The following IGF1R variants were observed in gnomAD, a reference collection of about 807,000 sequenced individuals.
IGF1R encodes the protein insulin like growth factor 1 receptor, also known as insulin-like growth factor 1 receptor.
In IGF1R, 44 loss-of-function variants were observed where a neutral mutation model predicts 144.6. The observed-to-expected ratio is 0.30, with a 90% CI of 0.24 to 0.39. The LOEUF is 0.39. Among genes scored for constraint, IGF1R ranks in the 10% least tolerant of loss-of-function variants. IGF1R has a pLI of 1.00. For synonymous variants in IGF1R, 795 were observed against 722.8 expected, an observed-to-expected ratio of 1.10 and a Z score of -1.60; for missense variants, 1,355 against 1,833.7, an observed-to-expected ratio of 0.74 and a Z score of 4.77.
intron 10 of IGF1R, among the ~76,000 whole-genome samples, chr15:98,918,019 TA>T (rs1470355359): frequency 6.6e-6 from 1 of 152,216 alleles, no homozygotes; most frequent in Non-Finnish European, 1.5e-5. Flanking sequence ...TGTTTTGTTT[TA>T]AAATTTTATT....
At chr15:98,857,187 TA>T in intron 2 of IGF1R, among the ~76,000 whole-genome samples, 1 of 152,192 alleles carries the variant, frequency 6.6e-6, no homozygotes, top group Admixed American at 6.5e-5. Context: ...ACCCCACAAT[TA>T]AACTGTTTTG....
At chr15:98,863,896 T>C (rs1351167528) in intron 2 of IGF1R, among the ~76,000 whole-genome samples, 3 of 152,244 alleles carry the variant, frequency 2.0e-5, no homozygotes, top group African/African-American at 7.2e-5. Flanking sequence ...ATTTATCATG[T>C]GACATTTTAT....
At chr15:98,884,555 A>G (rs945397280) in intron 2 of IGF1R, among the ~76,000 whole-genome samples, 2 of 151,940 alleles carry the variant, frequency 1.3e-5, no homozygotes, top group Admixed American at 6.6e-5. Context: ...TTAGCTGGGC[A>G]TGGTGGCGGG....
intron 17 of IGF1R, among the ~76,000 whole-genome samples, chr15:98,936,047 G>A (rs955481549): frequency 2.6e-5 from 4 of 151,942 alleles, no homozygotes; most frequent in Admixed American, 6.6e-5. Context: ...AGCTCCGTGC[G>A]CAAGATGTGC....
At chr15:98,915,850 T>C in intron 8 of IGF1R, 114 bp from the exon 9 acceptor site, 2 of 927,698 alleles carry the variant, frequency 2.2e-6, no homozygotes, top group Non-Finnish European at 3.6e-6. Context: ...TTGTTCATTG[T>C]TATTTTCTTA....
chr15:98,775,404 G>C (rs950153354), intron 2 of IGF1R, among the ~76,000 whole-genome samples: 6 of 152,138 alleles, frequency 3.9e-5, no homozygotes, highest in Admixed American at 1.3e-4. Context: ...CCATTTCCAG[G>C]GGTGGGACTG....
chr15:98,772,775 A>C (rs1429546174), intron 2 of IGF1R, among the ~76,000 whole-genome samples: 1 of 151,696 alleles, frequency 6.6e-6, no homozygotes, highest in Non-Finnish European at 1.5e-5. Context: ...GGAATCAATA[A>C]CAGGAACACC....
chr15:98,928,172 C>G (rs1210979304), intron 13 of IGF1R, among the ~76,000 whole-genome samples: 2 of 152,166 alleles, frequency 1.3e-5, no homozygotes, highest in African/African-American at 2.4e-5. Context: ...AGCTCAGACT[C>G]CAGGTCACTC....
At chr15:98,675,822 CTTTCTTTTTT>C (rs2053025344) in intron 1 of IGF1R, among the ~76,000 whole-genome samples, 1 of 114,414 alleles carries the variant, frequency 8.7e-6, no homozygotes, top group Admixed American at 8.7e-5. Flanking sequence ...TTCTTTCTTT[CTTTCTTTTTT>C]TTTTTTTTTT....
At chr15:98,838,188 C>G (rs2011120062) in intron 2 of IGF1R, among the ~76,000 whole-genome samples, 1 of 152,198 alleles carries the variant, frequency 6.6e-6, no homozygotes, top group South Asian at 2.1e-4. Context: ...AAGTTGACAT[C>G]ATTGCCTAAA....
intron 2 of IGF1R, among the ~76,000 whole-genome samples, chr15:98,714,169 T>G: frequency 7.0e-6 from 1 of 143,124 alleles, no homozygotes; most frequent in Non-Finnish European, 1.5e-5. Context: ...GAAGGCAGGT[T>G]GTAGTAAAAA....
At chr15:98,872,036 A>C (rs1194483319) in intron 2 of IGF1R, among the ~76,000 whole-genome samples, 1 of 152,038 alleles carries the variant, frequency 6.6e-6, no homozygotes, top group Non-Finnish European at 1.5e-5. Flanking sequence ...CCCCCACCCT[A>C]CCTCCACCAC....
rs1315809649 is a variant in IGF1R, at chr15:98,916,869, G to A, written c.2194G>A (p.Val732Met). The A allele has an allele frequency of 6.2e-6, 10 of 1,614,006 alleles. No individual in the cohort carries two copies. Among genetic ancestry groups the A allele is most frequent in the African/African-American group, 1.3e-5 (1 of 75,002 alleles). The change falls in exon 10 of 21, where the codon GTG (valine) becomes ATG (methionine). Residue 732 changes from valine to methionine, a missense_variant. By Grantham distance (21) the Val-to-Met change is conservative. Coordinates refer to ENST00000650285, the MANE Select transcript of IGF1R (RefSeq NM_000875.5). ...FENFLHNSIF[V>M]PRPERKRRDV... ...GAATTTCCTGCACAACTCCATCTTC[G>A]TGCCCAGGTACCCAGCTCATGTGAA...
chr15:98,944,401 A>G (rs537976587), intron 19 of IGF1R, among the ~76,000 whole-genome samples: 1 of 152,340 alleles, frequency 6.6e-6, no homozygotes, highest in Non-Finnish European at 1.5e-5. Context: ...ATAAACATGA[A>G]TAGGCGTTTG....
rs545407891 is a variant in IGF1R at position 98,815,054 on chromosome 15, A to G, written c.641-76271A>G. On this transcript the variant is annotated intron_variant, in intron 2 of 20. Coordinates refer to ENST00000650285, the MANE Select transcript of IGF1R (RefSeq NM_000875.5). ...AAAATAATTAGTAGTACAAAAATTT[A>G]TGCGTTTGTTTTAGCTCTATTCTGA... Among the ~76,000 whole-genome samples the G allele has an allele frequency of 7.2e-5, 11 of 152,268 alleles. No homozygotes were observed. The East Asian group carries it at 1.9e-3, about 27-fold the overall frequency.
chr15:98,719,427 C>T (rs1457596343), intron 2 of IGF1R, among the ~76,000 whole-genome samples: 1 of 152,124 alleles, frequency 6.6e-6, no homozygotes, highest in Non-Finnish European at 1.5e-5. Flanking sequence ...CAGAAGAATG[C>T]TTCTTTAGCT....
intron 2 of IGF1R, among the ~76,000 whole-genome samples, chr15:98,725,284 A>T (rs73473497): frequency 6.6e-6 from 1 of 152,240 alleles, no homozygotes; most frequent in Non-Finnish European, 1.5e-5. Context: ...AGATTTTTAC[A>T]TGATTTAGTG....
In IGF1R at chr15:98,753,596, C is replaced by T. The variant is rs563762790; in HGVS notation, c.640+45489C>T. Among the ~76,000 whole-genome samples the T allele has an allele frequency of 2.0e-5, 3 of 151,514 alleles. No homozygotes were observed. In the South Asian group the frequency reaches 6.3e-4, roughly 32 times the overall value. Reference sequence around the variant, plus strand: ...AAGGAGATGTGGGTTTTTTTTCCTCCTGAGAGTATATTTATAAAGTTAATT... The same window carrying T: ...AAGGAGATGTGGGTTTTTTTTCCTCTTGAGAGTATATTTATAAAGTTAATT... On this transcript the variant is annotated intron_variant, in intron 2 of 20. Coordinates refer to ENST00000650285, the MANE Select transcript of IGF1R (RefSeq NM_000875.5).
chr15:98,956,608 G>C (rs749149897), intron 20 of IGF1R, among the ~76,000 whole-genome samples: 4 of 152,178 alleles, frequency 2.6e-5, no homozygotes, highest in Non-Finnish European at 2.9e-5. Context: ...AGCACTGTTG[G>C]GGAAGCTGCG....
Sources: allele counts gnomAD v4.1 joint callset (sites outside exome capture counted in the v4.1 genomes callset), GRCh38; gene constraint gnomAD v4.1.1; transcripts MANE v1.5; gene names NCBI Gene and HGNC (gene_info 2026-07-23, HGNC 2026-07-21).